Variants in EFCAB5 observed in about 807,000 individuals in gnomAD.
The protein encoded by EFCAB5 is EF-hand calcium binding domain 5, also known as EF-hand calcium-binding domain-containing protein 5.
In EFCAB5, 131 loss-of-function variants were observed where a neutral mutation model predicts 167.9. That is an observed-to-expected ratio of 0.78 (90% CI 0.68 to 0.90). EFCAB5 has a LOEUF of 0.90. EFCAB5 is among the 40% of genes least tolerant of loss of function. The pLI is 0.00. For synonymous variants in EFCAB5, 574 were observed against 602.8 expected (o/e 0.95, Z 0.70); for missense variants, 1,663 against 1,745.2 (o/e 0.95, Z 0.84).
Position 29,965,274 on chromosome 17 carries a change from AT to A in EFCAB5, c.191-3510del, listed in dbSNP as rs533201159. Among the ~76,000 whole-genome samples, 560 of 151,226 alleles carry A rather than the reference AT, an allele frequency of 3.7e-3. 4 individuals carry two copies. The highest frequency in any genetic ancestry group is 0.013 in the African/African-American group (535 of 41,158). On this transcript the variant is annotated intron_variant, in intron 3 of 22. Transcript: ENST00000394835. Reference sequence around the variant, plus strand: ...TTATTATTTTCTAATATCCCTTGTGATTTTTTTGACCCATTAGTCATGTAAG... The same window carrying A: ...TTATTATTTTCTAATATCCCTTGTGATTTTTTGACCCATTAGTCATGTAAG...
chr17:29,951,397 G>C (rs2067505512), intron 3 of EFCAB5, among the ~76,000 whole-genome samples: 1 of 152,058 alleles, frequency 6.6e-6, no homozygotes, highest in Non-Finnish European at 1.5e-5. Flanking sequence ...GAGTGCAGTG[G>C]GGCGATCTCC....
chr17:30,062,035 C>A (rs1458611771), intron 14 of EFCAB5, among the ~76,000 whole-genome samples: 1 of 152,122 alleles, frequency 6.6e-6, no homozygotes, highest in Non-Finnish European at 1.5e-5. Context: ...CTTGGCTATG[C>A]CTTTTAATTT....
At chr17:30,019,854 G>A (rs548835133) in intron 7 of EFCAB5, among the ~76,000 whole-genome samples, 114 of 151,976 alleles carry the variant, frequency 7.5e-4, no homozygotes, top group Non-Finnish European at 1.3e-3. Context: ...ATTATTCAGC[G>A]CCTCTATTTA....
intron 8 of EFCAB5, among the ~76,000 whole-genome samples, chr17:30,050,476 G>C (rs969023229): frequency 6.6e-6 from 1 of 152,114 alleles, no homozygotes; most frequent in Non-Finnish European, 1.5e-5. Context: ...ACAAGGTCTT[G>C]CTCTGTCAGC....
chr17:29,994,070 C>G (rs1295567394), intron 5 of EFCAB5, among the ~76,000 whole-genome samples: 1 of 147,148 alleles, frequency 6.8e-6, no homozygotes, highest in Non-Finnish European at 1.5e-5. Flanking sequence ...TGCCACTGCA[C>G]TCCAGCCTGG....
intron 14 of EFCAB5, among the ~76,000 whole-genome samples, chr17:30,067,794 C>T (rs1418613265): frequency 6.6e-6 from 1 of 152,108 alleles, no homozygotes. Context: ...CCACTTTCAC[C>T]ACTTTTACTC....
In EFCAB5 at chr17:30,078,284, A is replaced by G. The variant is rs1487017159; in HGVS notation, c.2807A>G (p.Gln936Arg). The G allele has an allele frequency of 1.2e-6, 2 of 1,614,004 alleles. No homozygotes were observed. Among genetic ancestry groups the G allele is most frequent in the South Asian group, 2.2e-5 (2 of 91,078 alleles). Reference protein sequence around the residue: ...HEVRLSSKQFQNYIELVVSEL... With the variant: ...HEVRLSSKQFRNYIELVVSEL... Reference sequence around the variant, plus strand: ...GTGAGATTGTCTTCAAAACAATTTCAGAATTACATAGAATTGGTTGTGTCT... The same window carrying G: ...GTGAGATTGTCTTCAAAACAATTTCGGAATTACATAGAATTGGTTGTGTCT... Residue 936 changes from glutamine (Q) to arginine (R), a missense_variant, in exon 15 of 23, where the codon CAG becomes CGG. Physicochemically the swap from Gln to Arg is conservative, Grantham distance 43. Transcript: ENST00000394835.
chr17:29,989,773 T>C (rs766206474), intron 4 of EFCAB5, among the ~76,000 whole-genome samples: 7 of 152,196 alleles, frequency 4.6e-5, no homozygotes, highest in Non-Finnish European at 1.5e-5. Flanking sequence ...AAGCCTCCAG[T>C]TTCTCTTTAC....
At chr17:29,992,223 TGTG>T (rs2068436784) in intron 4 of EFCAB5, among the ~76,000 whole-genome samples, 2 of 152,222 alleles carry the variant, frequency 1.3e-5, no homozygotes, top group Non-Finnish European at 2.9e-5. Context: ...AGTGAAAACT[TGTG>T]GTATTTGTCT....
intron 8 of EFCAB5, among the ~76,000 whole-genome samples, chr17:30,041,147 C>T (rs1442749209): frequency 6.6e-6 from 1 of 151,078 alleles, no homozygotes; most frequent in Non-Finnish European, 1.5e-5. Context: ...ACCCTTTCTG[C>T]AGAAAGTAAA....
intron 19 of EFCAB5, among the ~76,000 whole-genome samples, chr17:30,087,927 C>T (rs1287561407): frequency 1.3e-5 from 2 of 152,174 alleles, no homozygotes; most frequent in African/African-American, 4.8e-5. Context: ...AAAAGCGTTC[C>T]TACTTTTCCA....
chr17:30,029,990 T>C (rs1391658369), intron 7 of EFCAB5, among the ~76,000 whole-genome samples: 1 of 152,202 alleles, frequency 6.6e-6, no homozygotes, highest in Admixed American at 6.5e-5. Context: ...CTAAGTACAG[T>C]TCAAATGTTT....
chr17:30,059,017 C>G (rs1261023740), intron 13 of EFCAB5: 4 of 147,144 alleles, frequency 2.7e-5, no homozygotes, highest in African/African-American at 1.0e-4. Context: ...TTAAGGAATA[C>G]TAATGCAGAG....
At position 30,073,329 on chromosome 17, in the gene EFCAB5, TTACA is replaced by T. The variant is rs1211915067; in HGVS notation, c.2738-4885_2738-4882del. The T allele has an allele frequency of 2.5e-4, 137 of 543,544 alleles. 2 individuals carry two copies. The East Asian group carries it at 4.0e-3, about 16-fold the overall frequency. The allele number at this position is 543,544 out of a possible 1,614,324, so 33.7% of individuals were successfully genotyped here. A position where few individuals can be genotyped will look rare whatever the true frequency, so the allele number is the denominator to read the frequency against. ...ACCTCAGTCTCCCGAAGTGCTGGGA[TTACA>T]GGCATGAGCCACCATGCCCGACCCC... On this transcript the variant is annotated intron_variant, in intron 14 of 22. Coordinates refer to ENST00000394835, the MANE Select transcript of EFCAB5 (RefSeq NM_198529.4).
intron 4 of EFCAB5, among the ~76,000 whole-genome samples, chr17:29,992,310 C>A (rs2068438277): frequency 6.6e-6 from 1 of 152,044 alleles, no homozygotes; most frequent in South Asian, 2.1e-4. Flanking sequence ...GACAGAATTT[C>A]TTTCTTTTTA....
chr17:30,092,217 G>A (rs1257499416), intron 21 of EFCAB5, 60 bp downstream of exon 21: 16 of 1,501,872 alleles, frequency 1.1e-5, no homozygotes, highest in East Asian at 9.1e-5. Flanking sequence ...AAATTTAACT[G>A]TACAAATCAT....
rs200413781 is a variant in EFCAB5, at chr17:30,042,646, T to TA, written c.1200+8269dup. Among the ~76,000 whole-genome samples the TA allele has an allele frequency of 6.3e-3, 961 of 151,896 alleles. 5 individuals carry two copies. The highest frequency in any genetic ancestry group is 0.022 in the African/African-American group (921 of 41,436). On this transcript the variant is annotated intron_variant, in intron 8 of 22. Coordinates refer to ENST00000394835, the MANE Select transcript of EFCAB5 (RefSeq NM_198529.4). ...TATAAAGAAGTATAATTAATACCACTAAAAAAAAGTTCCACAAACAAAACC... is the reference window on the plus strand; with the variant it reads ...TATAAAGAAGTATAATTAATACCACTAAAAAAAAAGTTCCACAAACAAAACC...
chr17:30,078,605 A>G, intron 15 of EFCAB5, 101 bp downstream of exon 15: 1 of 1,329,056 alleles, frequency 7.5e-7, no homozygotes, highest in Non-Finnish European at 1.0e-6. Context: ...TTGAAAAATC[A>G]CTGGGTGCTG....
chr17:30,081,506 T>C (rs539905670), intron 17 of EFCAB5, among the ~76,000 whole-genome samples: 15 of 152,316 alleles, frequency 9.8e-5, no homozygotes, highest in Admixed American at 7.2e-4. Context: ...ATAGGCACTT[T>C]TAAGATCATG....
Sources: gnomAD v4.1 joint callset for allele counts (sites outside exome capture counted in the v4.1 genomes callset) on GRCh38, gnomAD v4.1.1 for gene constraint, MANE v1.5 for transcripts, NCBI Gene and HGNC (gene_info 2026-07-23, HGNC 2026-07-21) for gene names.